CALN1: variants seen among roughly 807,000 people sequenced by gnomAD.
CALN1 encodes calcium-binding protein 8.
CALN1 carries 17 observed loss-of-function variants against 30.6 expected under a neutral mutation model. The ratio of observed to expected loss-of-function variants is 0.56; its 90% CI spans 0.38 to 0.83. The LOEUF (loss-of-function observed/expected upper bound fraction) is 0.83, where lower values mean the gene tolerates loss of function less well. Among genes scored for constraint, CALN1 ranks in the 40% least tolerant of loss-of-function variants. CALN1 has a pLI of 0.00. For synonymous variants in CALN1, 156 were observed against 131.4 expected (o/e 1.19, Z -1.28); for missense variants, 291 against 354.9 (o/e 0.82, Z 1.45).
upstream of CALN1, among the ~76,000 whole-genome samples, chr7:72,448,613 CTT>C (rs199535062): frequency 1.4e-5 from 2 of 146,086 alleles, no homozygotes; most frequent in Admixed American, 6.9e-5. Context: ...CTTGCGTGAT[CTT>C]TTTTTTTTTT....
At chr7:71,810,174 G>A (rs1468771749) in intron 6 of CALN1, among the ~76,000 whole-genome samples, 162 bp downstream of exon 6, 5 of 152,104 alleles carry the variant, frequency 3.3e-5, no homozygotes, top group African/African-American at 1.2e-4. Flanking sequence ...GAAACCCACC[G>A]CATCTTAGCA....
intron 2 of CALN1, among the ~76,000 whole-genome samples, chr7:72,301,330 G>T (rs111806677): frequency 1.6e-4 from 25 of 151,824 alleles, no homozygotes; most frequent in Non-Finnish European, 7.4e-5. Context: ...CAAGCAGGCC[G>T]GGCTGGGTGG....
intron 5 of CALN1, among the ~76,000 whole-genome samples, chr7:71,950,171 C>T (rs1439345208): frequency 6.6e-6 from 1 of 152,178 alleles, no homozygotes; most frequent in Non-Finnish European, 1.5e-5. Context: ...GACACCCTCC[C>T]CTGGTAACAC....
chr7:72,350,005 C>G (rs1279973843), intron 2 of CALN1, among the ~76,000 whole-genome samples: 1 of 152,138 alleles, frequency 6.6e-6, no homozygotes, highest in Non-Finnish European at 1.5e-5. Context: ...AAATCTTTGT[C>G]AGGATCTACG....
At chr7:71,958,819 T>A (rs1256226765) in intron 5 of CALN1, among the ~76,000 whole-genome samples, 1 of 152,072 alleles carries the variant, frequency 6.6e-6, no homozygotes, top group African/African-American at 2.4e-5. Flanking sequence ...TCCTGCACTG[T>A]GAGACCTGAC....
intron 5 of CALN1, among the ~76,000 whole-genome samples, chr7:71,811,447 A>ACTC (rs61617953): frequency 0.36 from 54,416 of 151,384 alleles, 10,501 homozygotes; most frequent in East Asian, 0.6. Context: ...GGCCTCAAGT[A>ACTC]CTCCTGCCTT....
intron 6 of CALN1, among the ~76,000 whole-genome samples, chr7:71,800,844 G>A (rs1303790501): frequency 6.6e-6 from 1 of 152,096 alleles, no homozygotes; most frequent in Non-Finnish European, 1.5e-5. Context: ...TGATACATGT[G>A]CAGAATGTGC....
At chr7:72,112,158 A>G (rs1807625405) in intron 3 of CALN1, among the ~76,000 whole-genome samples, 2 of 152,190 alleles carry the variant, frequency 1.3e-5, no homozygotes, top group African/African-American at 2.4e-5. Flanking sequence ...GGCAGGAACA[A>G]CAGCAAAAGC....
chr7:72,343,043 C>G (rs557328067), intron 2 of CALN1, among the ~76,000 whole-genome samples: 1 of 152,222 alleles, frequency 6.6e-6, no homozygotes, highest in African/African-American at 2.4e-5. Context: ...AATTTGGTAT[C>G]TGGAAGGAGA....
intron 2 of CALN1, among the ~76,000 whole-genome samples, chr7:72,290,066 C>T (rs10243625): frequency 0.2 from 21,565 of 107,850 alleles, 2,551 homozygotes; most frequent in East Asian, 0.41. Flanking sequence ...TAACAGAGAA[C>T]GAGACCCTGT....
chr7:72,268,783 C>T (rs1266691323), intron 3 of CALN1, among the ~76,000 whole-genome samples: 1 of 87,886 alleles, frequency 1.1e-5, no homozygotes, highest in African/African-American at 3.7e-5. Context: ...GGCAACAGAG[C>T]AAGACCCTGC....
chr7:72,168,908 C>T (rs190688500), intron 3 of CALN1, among the ~76,000 whole-genome samples: 10 of 150,570 alleles, frequency 6.6e-5, no homozygotes, highest in South Asian at 4.2e-4. Flanking sequence ...CAGGTTCAAG[C>T]GATTCTCCTG....
At chr7:71,818,903 T>C (rs532655250) in intron 5 of CALN1, among the ~76,000 whole-genome samples, 1 of 151,934 alleles carries the variant, frequency 6.6e-6, no homozygotes, top group African/African-American at 2.4e-5. Flanking sequence ...AGAGATGGGG[T>C]TTCACCATAT....
intron 5 of CALN1, among the ~76,000 whole-genome samples, chr7:71,860,107 T>C (rs1056333204): frequency 6.6e-6 from 1 of 152,192 alleles, no homozygotes; most frequent in African/African-American, 2.4e-5. Context: ...TTTGCTACCC[T>C]GTATAAACAA....
Position 71,779,794 on chromosome 7 carries a change from A to G in CALN1, c.*7981T>C, listed in dbSNP as rs1316647103. 6.6e-6 allele frequency: 1 copy of G among 152,206 alleles called. No individual in the cohort carries two copies. Among genetic ancestry groups the G allele is most frequent in the African/African-American group, 2.4e-5 (1 of 41,442 alleles). 9.4% of individuals were successfully genotyped at this position (152,206 alleles called of 1,614,324 possible). On this transcript the variant is annotated 3_prime_UTR_variant, in exon 7 of 7. Transcript: ENST00000395275. Reference sequence around the variant, plus strand: ...ATCAACTAATACTGAATGAGAGAAAATGGGATGCTAATGAGGTAAATGGGA... The same window carrying G: ...ATCAACTAATACTGAATGAGAGAAAGTGGGATGCTAATGAGGTAAATGGGA...
In CALN1 at chr7:72,209,134, CCT is replaced by C. The variant is rs1336165771; in HGVS notation, c.244+69550_244+69551del. ...CTCTTTTTTACTCCTTCCTTCTCTC[CCT>C]CTTTCATTCCTTCCCCCCTTCTCCC... On this transcript the variant is annotated intron_variant, in intron 3 of 6. Transcript: ENST00000395275. 4.3e-5 allele frequency among the ~76,000 whole-genome samples: 6 copies of C among 140,210 alleles called. No individual in the cohort carries two copies. In the East Asian group the frequency reaches 6.7e-4, roughly 16 times the overall value. 92.0% of individuals were successfully genotyped at this position (140,210 alleles called of 152,430 possible).
intron 3 of CALN1, among the ~76,000 whole-genome samples, chr7:72,147,482 AC>A (rs1364674030): frequency 1.0e-4 from 14 of 134,094 alleles, no homozygotes; most frequent in Non-Finnish European, 1.5e-4. Flanking sequence ...GTTGGAGAGG[AC>A]TGTTACACTG....
intron 2 of CALN1, among the ~76,000 whole-genome samples, chr7:72,395,378 T>C (rs112137658): frequency 0.014 from 1,795 of 126,194 alleles, 12 homozygotes; most frequent in African/African-American, 0.033. Flanking sequence ...CACACACACA[T>C]ATCCAGGGTT....
chr7:71,865,008 A>G (rs1202399175), intron 5 of CALN1, among the ~76,000 whole-genome samples: 1 of 152,146 alleles, frequency 6.6e-6, no homozygotes, highest in Non-Finnish European at 1.5e-5. Context: ...GTCTCCAAAA[A>G]AGGAAAAAAG....
Sources: allele counts gnomAD v4.1 joint callset (sites outside exome capture counted in the v4.1 genomes callset), GRCh38; gene constraint gnomAD v4.1.1; transcripts MANE v1.5; gene names NCBI Gene and HGNC (gene_info 2026-07-23, HGNC 2026-07-21).